PPP1R42: variants seen among roughly 807,000 people sequenced by gnomAD.
The protein encoded by PPP1R42 is leucine rich repeat containing 67.
A neutral mutation model predicts 31.0 loss-of-function variants in PPP1R42; 34 were observed. That is an observed-to-expected ratio of 1.10 (90% CI 0.83 to 1.46). The LOEUF is 1.46. Ranked by LOEUF, PPP1R42 falls within the 40% of genes most tolerant of loss-of-function variation. PPP1R42 has a pLI of 0.00. For missense variants in PPP1R42, 268 were observed against 303.0 expected, an observed-to-expected ratio of 0.88 and a Z score of 0.86; for synonymous variants, 103 against 109.8, an observed-to-expected ratio of 0.94 and a Z score of 0.39.
At chr8:67,009,893 C>A (rs1018314024) in intron 5 of PPP1R42, among the ~76,000 whole-genome samples, 1 of 152,144 alleles carries the variant, frequency 6.6e-6, no homozygotes, top group Non-Finnish European at 1.5e-5. Context: ...GTTCTGAAAA[C>A]AAAAGCTGTT....
At chr8:67,006,315 G>A (rs1436045820) in intron 5 of PPP1R42, among the ~76,000 whole-genome samples, 1 of 151,952 alleles carries the variant, frequency 6.6e-6, no homozygotes, top group Non-Finnish European at 1.5e-5. Context: ...TTCCTTCATA[G>A]CACTTTTCAA....
intron 6 of PPP1R42, among the ~76,000 whole-genome samples, chr8:66,986,504 C>T (rs1815021441): frequency 6.6e-6 from 1 of 152,194 alleles, no homozygotes; most frequent in African/African-American, 2.4e-5. Context: ...TGCCACGCCG[C>T]TGTCTCCCAA....
At chr8:67,009,983 C>G (rs980107225) in intron 5 of PPP1R42, among the ~76,000 whole-genome samples, 48 of 152,166 alleles carry the variant, frequency 3.2e-4, no homozygotes, top group African/African-American at 1.1e-3. Flanking sequence ...GTTGCCAAAC[C>G]AGAAACTTTG....
chr8:66,983,719 G>A (rs570122792), intron 6 of PPP1R42, among the ~76,000 whole-genome samples: 1 of 152,158 alleles, frequency 6.6e-6, no homozygotes, highest in East Asian at 1.9e-4. Context: ...ATAATACTGT[G>A]TTATACCCAA....
chr8:66,989,210 C>G (rs1261426539), intron 5 of PPP1R42, among the ~76,000 whole-genome samples: 2 of 152,036 alleles, frequency 1.3e-5, no homozygotes, highest in African/African-American at 4.8e-5. Flanking sequence ...AGAAAATCAG[C>G]TAACTGATAG....
chr8:67,008,785 G>A (rs1815761251), intron 5 of PPP1R42, among the ~76,000 whole-genome samples: 1 of 151,918 alleles, frequency 6.6e-6, no homozygotes, highest in African/African-American at 2.4e-5. Context: ...TATTTTGGCT[G>A]CACATTTATT....
chr8:66,969,018 C>T (rs924670758), intron 7 of PPP1R42, among the ~76,000 whole-genome samples: 6 of 152,168 alleles, frequency 3.9e-5, no homozygotes, highest in South Asian at 2.1e-4. Flanking sequence ...CCTATCTTTG[C>T]AGTACATAGT....
chr8:66,976,201 T>G (rs1814666686), intron 7 of PPP1R42, among the ~76,000 whole-genome samples: 1 of 152,020 alleles, frequency 6.6e-6, no homozygotes, highest in Non-Finnish European at 1.5e-5. Flanking sequence ...TGCCCAATGA[T>G]CTGTCACTGT....
chr8:67,003,208 G>T (rs1815560256), intron 5 of PPP1R42, among the ~76,000 whole-genome samples: 1 of 148,256 alleles, frequency 6.7e-6, no homozygotes. Context: ...TTTAGCTCTA[G>T]AAGTTATGTT....
At chr8:67,024,907 GT>G (rs1816347360) in intron 1 of PPP1R42, among the ~76,000 whole-genome samples, 1 of 150,200 alleles carries the variant, frequency 6.7e-6, no homozygotes, top group Non-Finnish European at 1.5e-5. Context: ...CACAAATTAA[GT>G]TTGCTAATAT....
intron 1 of PPP1R42, among the ~76,000 whole-genome samples, chr8:67,024,222 T>A (rs1169211981): frequency 1.3e-5 from 2 of 152,214 alleles, no homozygotes; most frequent in East Asian, 1.9e-4. Context: ...AAGTTTTTTT[T>A]AAAATCATGA....
chr8:67,012,404 A>T (rs1815868545), intron 4 of PPP1R42, among the ~76,000 whole-genome samples: 2 of 152,040 alleles, frequency 1.3e-5, no homozygotes, highest in Admixed American at 1.3e-4. Context: ...TTATTGTGGC[A>T]CCTCCATCCA....
At position 67,000,813 on chromosome 8, in the gene PPP1R42, C is replaced by A. The variant is rs181535075; in HGVS notation, c.552+9902G>T. Among the ~76,000 whole-genome samples the A allele has an allele frequency of 2.3e-3, 354 of 152,292 alleles. 2 individuals carry two copies. The highest frequency in any genetic ancestry group is 8.0e-3 in the African/African-American group (334 of 41,560). ...AATGTTCTATAAGAGTAAATTAGAT[C>A]AAGTTGGTTGGTTATGTTATACCTA... is the stretch of plus-strand genomic sequence containing the variant. On this transcript the variant is annotated intron_variant, in intron 5 of 7. Transcript: ENST00000685739.
At chr8:66,999,641 C>T (rs1375591511) in intron 5 of PPP1R42, among the ~76,000 whole-genome samples, 2 of 152,228 alleles carry the variant, frequency 1.3e-5, no homozygotes, top group Non-Finnish European at 2.9e-5. Flanking sequence ...TGAGCCACTG[C>T]ACCTGGCCTT....
intron 7 of PPP1R42, chr8:66,970,779 C>T (rs1418323955): frequency 3.5e-5 from 20 of 571,008 alleles, no homozygotes; most frequent in South Asian, 2.4e-4. Context: ...TCTGGAAACA[C>T]CCCTTCCCAT....
At chr8:66,998,994 T>G (rs189070255) in intron 5 of PPP1R42, among the ~76,000 whole-genome samples, 1 of 152,256 alleles carries the variant, frequency 6.6e-6, no homozygotes, top group African/African-American at 2.4e-5. Flanking sequence ...CTCTTTAGTG[T>G]TCTTGTAATA....
At chr8:66,987,079 T>C (rs1386890611) in intron 6 of PPP1R42, among the ~76,000 whole-genome samples, 1 of 151,930 alleles carries the variant, frequency 6.6e-6, no homozygotes, top group Non-Finnish European at 1.5e-5. Flanking sequence ...TTTTTATTAA[T>C]AATTATATAG....
intron 7 of PPP1R42, among the ~76,000 whole-genome samples, chr8:66,980,028 T>TA (rs1168787742): frequency 6.6e-6 from 1 of 152,156 alleles, no homozygotes; most frequent in Non-Finnish European, 1.5e-5. Context: ...TGAAAATATG[T>TA]AAAATACTAG....
rs538943376 is a variant in PPP1R42 at position 67,019,599 on chromosome 8, A to G, written c.-84-1768T>C. 3.9e-5 allele frequency among the ~76,000 whole-genome samples: 6 copies of G among 152,058 alleles called. No homozygotes were observed. In the East Asian group the frequency reaches 1.2e-3, roughly 30 times the overall value. ...GGAGTAAAAAAGGCCCTCGAGGAATATCCTCTAATGTTCTCATTTCACAGG... is the reference window on the plus strand; with the variant it reads ...GGAGTAAAAAAGGCCCTCGAGGAATGTCCTCTAATGTTCTCATTTCACAGG... On this transcript the variant is annotated intron_variant, in intron 1 of 7. Transcript: ENST00000685739.
Sources: allele counts gnomAD v4.1 joint callset (sites outside exome capture counted in the v4.1 genomes callset), GRCh38; gene constraint gnomAD v4.1.1; transcripts MANE v1.5; gene names NCBI Gene and HGNC (gene_info 2026-07-23, HGNC 2026-07-21).